The following DCDC1 variants were observed in gnomAD, a reference collection of about 807,000 sequenced individuals.
DCDC1 encodes the protein doublecortin domain containing 1.
In DCDC1, 200 loss-of-function variants were observed where a neutral mutation model predicts 178.3. That is an observed-to-expected ratio of 1.12 (90% CI 1.00 to 1.26). DCDC1 has a LOEUF of 1.26. DCDC1 is among the 50% of genes most tolerant of loss of function. The probability of loss-of-function intolerance (pLI) is 0.00; values close to 1 mark genes in which losing one functional copy is unlikely to be tolerated. For synonymous variants in DCDC1, 690 were observed against 604.8 expected (o/e 1.14, Z -2.07); for missense variants, 1,983 against 1,749.2 (o/e 1.13, Z -2.38).
At chr11:30,918,513 G>A (rs1374539199) in intron 25 of DCDC1, among the ~76,000 whole-genome samples, 1 of 152,162 alleles carries the variant, frequency 6.6e-6, no homozygotes, top group African/African-American at 2.4e-5. Flanking sequence ...AATGGAAATT[G>A]ACTGGGATGG....
In DCDC1 at chr11:31,226,395, A is replaced by G. The variant is rs537142484; in HGVS notation, c.1221+15055T>C. Among the ~76,000 whole-genome samples the G allele has an allele frequency of 1.0e-3, 159 of 152,224 alleles. 1 individual carries two copies. Among genetic ancestry groups the G allele is most frequent in the African/African-American group, 3.5e-3 (146 of 41,578 alleles). ...ATTTTAAGACATAAAGGCCAAAAAT[A>G]TAACAAAAATTAGAGCCACACATAT... is the stretch of plus-strand genomic sequence containing the variant. On this transcript the variant is annotated intron_variant, in intron 9 of 38. Coordinates refer to ENST00000684477, the MANE Select transcript of DCDC1 (RefSeq NM_001387274.1).
chr11:31,286,421 G>A (rs1329964490), intron 7 of DCDC1, among the ~76,000 whole-genome samples: 1 of 151,718 alleles, frequency 6.6e-6, no homozygotes, highest in African/African-American at 2.4e-5. Flanking sequence ...TTATTATATA[G>A]CACAAATTAT....
intron 9 of DCDC1, among the ~76,000 whole-genome samples, chr11:31,213,032 C>T (rs1972807603): frequency 1.3e-5 from 2 of 149,916 alleles, no homozygotes; most frequent in Admixed American, 6.7e-5. Flanking sequence ...CTTGCTCTTC[C>T]TTATTAGATG....
chr11:31,190,040 C>A (rs2136342803), intron 9 of DCDC1, among the ~76,000 whole-genome samples: 1 of 152,234 alleles, frequency 6.6e-6, no homozygotes, highest in East Asian at 1.9e-4. Context: ...ACGAGTAATA[C>A]AAAATGGTTG....
chr11:31,093,854 T>C (rs1957965798), intron 16 of DCDC1, among the ~76,000 whole-genome samples, 196 bp downstream of exon 16: 1 of 152,212 alleles, frequency 6.6e-6, no homozygotes, highest in African/African-American at 2.4e-5. Flanking sequence ...GATAGTGAAC[T>C]GAATGCTCAT....
chr11:31,343,182 G>A (rs1371086500), intron 1 of DCDC1, among the ~76,000 whole-genome samples: 1 of 152,166 alleles, frequency 6.6e-6, no homozygotes, highest in Admixed American at 6.5e-5. Flanking sequence ...TGAGGCGAGA[G>A]GATCACTTGA....
In DCDC1 at chr11:31,064,554, CTGGCATTAAA is replaced by C. The variant is rs774153034; in HGVS notation, c.2496_2505del (p.His832GlnfsTer11). 1 of 765,924 alleles carries C rather than the reference CTGGCATTAAA, an allele frequency of 1.3e-6. No individual in the cohort carries two copies. Among genetic ancestry groups the C allele is most frequent in the African/African-American group, 1.7e-5 (1 of 59,102 alleles). 47.4% of individuals were successfully genotyped at this position (765,924 alleles called of 1,614,324 possible). On this transcript the variant is annotated frameshift_variant, in exon 20 of 39. Transcript: ENST00000684477. LOFTEE classifies it high-confidence loss of function. ...TCCCCCGTCTCCTCAAGAGAACCTT[CTGGCATTAAA>C]TGGGTGTCTGAGGGTTCTGGCAGTT...
chr11:31,178,715 C>T lies in DCDC1; in HGVS notation c.1222-40931G>A, dbSNP rs193021217. 1.4e-3 allele frequency among the ~76,000 whole-genome samples: 211 copies of T among 152,100 alleles called. 1 individual carries two copies. The highest frequency in any genetic ancestry group is 4.1e-3 in the African/African-American group (172 of 41,514). On this transcript the variant is annotated intron_variant, in intron 9 of 38. Transcript: ENST00000684477. ...GCAATTTTTCTTTTTTTTCCTGAGA[C>T]GGAGTCTTGCTCTGTCACCCAGGCT...
chr11:31,283,490 C>T (rs764487412), intron 7 of DCDC1, among the ~76,000 whole-genome samples: 7 of 151,152 alleles, frequency 4.6e-5, no homozygotes, highest in South Asian at 4.2e-4. Context: ...TTTTTTAATA[C>T]GTGAACATAT....
At chr11:31,111,053 G>A (rs1959165832) in intron 11 of DCDC1, among the ~76,000 whole-genome samples, 1 of 152,130 alleles carries the variant, frequency 6.6e-6, no homozygotes, top group Non-Finnish European at 1.5e-5. Flanking sequence ...GGCTTCACTA[G>A]AGTGAACACC....
At chr11:31,322,925 A>G (rs1949444732) in intron 3 of DCDC1, among the ~76,000 whole-genome samples, 1 of 152,260 alleles carries the variant, frequency 6.6e-6, no homozygotes, top group Non-Finnish European at 1.5e-5. Flanking sequence ...ATGGACATGT[A>G]GTATAATGTA....
intron 9 of DCDC1, among the ~76,000 whole-genome samples, chr11:31,143,707 T>A (rs1275764824): frequency 6.6e-6 from 1 of 152,182 alleles, no homozygotes; most frequent in Non-Finnish European, 1.5e-5. Flanking sequence ...CCCCTACTTT[T>A]AGTAATGTAA....
chr11:31,269,970 A>G (rs1945441362), intron 7 of DCDC1, among the ~76,000 whole-genome samples: 1 of 152,224 alleles, frequency 6.6e-6, no homozygotes, highest in African/African-American at 2.4e-5. Flanking sequence ...CATATGAACC[A>G]GGTTAATAAG....
At chr11:30,959,355 C>A (rs1326320938) in intron 20 of DCDC1, among the ~76,000 whole-genome samples, 3 of 152,062 alleles carry the variant, frequency 2.0e-5, no homozygotes, top group Admixed American at 6.6e-5. Context: ...GGTTTACGTG[C>A]CTCTCCAAAT....
chr11:30,969,473 T>G (rs1216941741), intron 20 of DCDC1, among the ~76,000 whole-genome samples: 2 of 152,180 alleles, frequency 1.3e-5, no homozygotes, highest in African/African-American at 4.8e-5. Context: ...GACACTTGAT[T>G]TTGGCTCAAT....
intron 3 of DCDC1, among the ~76,000 whole-genome samples, chr11:31,327,800 T>A (rs183082784): frequency 4.6e-5 from 7 of 152,236 alleles, no homozygotes; most frequent in African/African-American, 1.7e-4. Flanking sequence ...TGATCTCAGC[T>A]CACTGCAACC....
chr11:31,245,678 T>C (rs941247865), intron 8 of DCDC1, among the ~76,000 whole-genome samples: 1 of 151,820 alleles, frequency 6.6e-6, no homozygotes, highest in Admixed American at 6.6e-5. Context: ...AAAACTCTTA[T>C]GTACTTTATC....
rs1212557099 is a variant in DCDC1, at chr11:31,137,788, G to GA, written c.1222-5dup. On this transcript the variant is annotated splice_region_variant and splice_polypyrimidine_tract_variant and intron_variant, in intron 9 of 38. Transcript: ENST00000684477. ...GTTCATTCATGACCAGGTTCAACTA[G>GA]AAAAAACAAATAAACAGCATGAAAG... is the stretch of plus-strand genomic sequence containing the variant. 21 of 700,294 alleles carry GA rather than the reference G, an allele frequency of 3.0e-5. No individual in the cohort carries two copies. In the East Asian group the frequency reaches 5.1e-4, roughly 17 times the overall value. The allele number at this position is 700,294 out of a possible 1,614,324, so 43.4% of individuals were successfully genotyped here. A position where few individuals can be genotyped will look rare whatever the true frequency, so the allele number is the denominator to read the frequency against.
chr11:31,167,714 G>A (rs1050663021), intron 9 of DCDC1, among the ~76,000 whole-genome samples: 2 of 151,994 alleles, frequency 1.3e-5, no homozygotes, highest in Non-Finnish European at 2.9e-5. Flanking sequence ...TCTACTAAAT[G>A]GTAACATCAT....
Sources: gnomAD v4.1 joint callset for allele counts (sites outside exome capture counted in the v4.1 genomes callset) on GRCh38, gnomAD v4.1.1 for gene constraint, MANE v1.5 for transcripts, NCBI Gene and HGNC (gene_info 2026-07-23, HGNC 2026-07-21) for gene names.